Variants in MMS22L observed in about 807,000 individuals in gnomAD.
MMS22L encodes MMS22 like, DNA repair protein.
In MMS22L, 74 loss-of-function variants were observed where a neutral mutation model predicts 159.1. The observed-to-expected ratio is 0.47, with a 90% CI of 0.39 to 0.56. MMS22L has a LOEUF of 0.56. Among genes scored for constraint, MMS22L ranks in the 20% least tolerant of loss-of-function variants. MMS22L has a pLI of 0.00. For synonymous variants in MMS22L, 517 were observed against 506.9 expected (o/e 1.02, Z -0.27); for missense variants, 1,351 against 1,422.1 (o/e 0.95, Z 0.80).
rs561850065 is a variant in MMS22L, at chr6:97,167,632, A to G, written c.3009+439T>C. ...CCCTCCATTACATGGCTCCTCCCAT[A>G]TGACTCTCCAGCCACAACAGAACCA... is the stretch of plus-strand genomic sequence containing the variant. On this transcript the variant is annotated intron_variant, in intron 20 of 24. Transcript: ENST00000683635. Among the ~76,000 whole-genome samples the G allele has an allele frequency of 2.0e-5, 3 of 152,216 alleles. No homozygotes were observed. The East Asian group carries it at 5.8e-4, about 29-fold the overall frequency.
intron 14 of MMS22L, among the ~76,000 whole-genome samples, chr6:97,189,584 A>G (rs1805651997): frequency 7.6e-6 from 1 of 132,210 alleles, no homozygotes; most frequent in Non-Finnish European, 1.6e-5. Flanking sequence ...AAAAAAGAAT[A>G]ATTAATTAAA....
chr6:97,153,928 C>T (rs1801583611), intron 22 of MMS22L, among the ~76,000 whole-genome samples: 1 of 152,034 alleles, frequency 6.6e-6, no homozygotes, highest in Non-Finnish European at 1.5e-5. Context: ...AATTAATTTA[C>T]AAGTTTCTGT....
At position 97,263,495 on chromosome 6, in the gene MMS22L, T is replaced by C. The variant is rs770430661; in HGVS notation, c.829-47A>G. 4.3e-6 allele frequency: 4 copies of C among 930,052 alleles called. No individual in the cohort carries two copies. The East Asian group carries it at 1.1e-4, about 26-fold the overall frequency. 57.6% of individuals were successfully genotyped at this position (930,052 alleles called of 1,614,324 possible). ...TGTTATTTATAAGACAGCAGCAGAA[T>C]TTTAAATGCCATATATCTTTCAAAT... On this transcript the variant is annotated intron_variant, in intron 8 of 24. Coordinates refer to ENST00000683635, the MANE Select transcript of MMS22L (RefSeq NM_001350599.2).
chr6:97,256,828 T>A (rs1179853439), intron 9 of MMS22L, among the ~76,000 whole-genome samples: 1 of 152,146 alleles, frequency 6.6e-6, no homozygotes, highest in Non-Finnish European at 1.5e-5. Flanking sequence ...GTGCTTGTAC[T>A]CCCAGCTACT....
intron 2 of MMS22L, 75 bp downstream of exon 2, chr6:97,282,239 G>T: frequency 1.4e-6 from 2 of 1,469,514 alleles, no homozygotes; most frequent in East Asian, 4.6e-5. Flanking sequence ...AAAGTTTAAT[G>T]GGCTGAAATA....
chr6:97,181,273 A>G (rs1804677992), intron 16 of MMS22L, among the ~76,000 whole-genome samples: 1 of 152,090 alleles, frequency 6.6e-6, no homozygotes, highest in Non-Finnish European at 1.5e-5. Context: ...TATTTATTTT[A>G]TTTTCTCTCA....
chr6:97,214,886 T>C (rs1309067355), intron 14 of MMS22L, among the ~76,000 whole-genome samples: 1 of 150,854 alleles, frequency 6.6e-6, no homozygotes, highest in African/African-American at 2.4e-5. Flanking sequence ...CACAGTCCTG[T>C]TACTGATGAT....
intron 9 of MMS22L, chr6:97,261,212 T>C (rs768207756): frequency 7.9e-5 from 12 of 152,198 alleles, no homozygotes; most frequent in Non-Finnish European, 1.5e-4. Flanking sequence ...AGGTTTTCTG[T>C]TTTTAAAACT....
intron 11 of MMS22L, chr6:97,246,194 T>C: frequency 1.3e-5 from 6 of 450,718 alleles, no homozygotes; most frequent in Non-Finnish European, 2.7e-5. Context: ...AAACGAATGG[T>C]CAGAAACTAG....
intron 22 of MMS22L, among the ~76,000 whole-genome samples, chr6:97,152,883 G>A (rs937922337): frequency 6.7e-6 from 1 of 148,874 alleles, no homozygotes; most frequent in Non-Finnish European, 1.5e-5. Flanking sequence ...TGTCACCCAG[G>A]CTAGAGAAGT....
rs542954679 is a variant in MMS22L at position 97,247,901 on chromosome 6, C to T, written c.1120-1211G>A. 9.2e-5 allele frequency among the ~76,000 whole-genome samples: 14 copies of T among 152,136 alleles called. No homozygotes were observed. In the East Asian group the frequency reaches 2.5e-3, roughly 27 times the overall value. On this transcript the variant is annotated intron_variant, in intron 10 of 24. Coordinates refer to ENST00000683635, the MANE Select transcript of MMS22L (RefSeq NM_001350599.2). ...AATGAATTCTCATGATTTTAAATGG[C>T]TAGGCAATATTCATGTAAAATGCTA...
chr6:97,208,805 C>T (rs1290709037), intron 14 of MMS22L, among the ~76,000 whole-genome samples: 1 of 152,012 alleles, frequency 6.6e-6, no homozygotes, highest in Non-Finnish European at 1.5e-5. Context: ...ACACTCTGGC[C>T]CTAACTTCAA....
At position 97,229,415 on chromosome 6, in the gene MMS22L, T is replaced by TA. The variant is rs754062567; in HGVS notation, c.1530-13dup. The TA allele has an allele frequency of 2.9e-5, 43 of 1,481,656 alleles. No individual in the cohort carries two copies. The South Asian group carries it at 4.9e-4, about 17-fold the overall frequency. 91.8% of individuals were successfully genotyped at this position (1,481,656 alleles called of 1,614,324 possible). A position where few individuals can be genotyped will look rare whatever the true frequency, so the allele number is the denominator to read the frequency against. On this transcript the variant is annotated splice_polypyrimidine_tract_variant and intron_variant, in intron 13 of 24. Transcript: ENST00000683635. The stretch of plus-strand genomic sequence containing the variant: ...ATTTTGAATATATTCTGTAAAACAT[T>TA]AAAAAATGCTTTAATAAAATTGTTT...
Position 97,229,014 on chromosome 6 carries a change from C to A in MMS22L, c.1919G>T (p.Cys640Phe), listed in dbSNP as rs868117695. 3.7e-6 allele frequency: 6 copies of A among 1,614,080 alleles called. No homozygotes were observed. The South Asian group carries it at 4.4e-5, about 12-fold the overall frequency. Residue 640 changes from cysteine to phenylalanine, a missense_variant, in exon 14 of 25, where the codon TGC becomes TTC. Coordinates refer to ENST00000683635, the MANE Select transcript of MMS22L (RefSeq NM_001350599.2). ...CAGTTTTTCATGGGAAGGATACAAGCAATAGCTGGTCTCAAACACTTCTTG... is the reference window on the plus strand; with the variant it reads ...CAGTTTTTCATGGGAAGGATACAAGAAATAGCTGGTCTCAAACACTTCTTG... ...GVQEVFETSY[C>F]LYPSHEKLLN...
At chr6:97,200,829 C>T (rs1250625249) in intron 14 of MMS22L, among the ~76,000 whole-genome samples, 3 of 152,004 alleles carry the variant, frequency 2.0e-5, no homozygotes, top group African/African-American at 7.3e-5. Context: ...TGTTACCATC[C>T]TGTGAATTTT....
At chr6:97,221,152 T>G (rs905963988) in intron 14 of MMS22L, among the ~76,000 whole-genome samples, 1 of 152,188 alleles carries the variant, frequency 6.6e-6, no homozygotes, top group Non-Finnish European at 1.5e-5. Context: ...TATTCATTAT[T>G]GCATATAATT....
chr6:97,231,175 C>CA (rs1460270649), intron 13 of MMS22L: 6 of 393,408 alleles, frequency 1.5e-5, no homozygotes, highest in South Asian at 1.4e-4. Context: ...CAAAACAAAC[C>CA]AAAAAAACCA....
chr6:97,254,794 G>T, intron 9 of MMS22L, 61 bp from the exon 10 acceptor site: 3 of 1,363,540 alleles, frequency 2.2e-6, no homozygotes, highest in Non-Finnish European at 2.9e-6. Context: ...TGATTTCGTG[G>T]TTTTTCTCTA....
At chr6:97,198,370 C>T (rs1409491037) in intron 14 of MMS22L, among the ~76,000 whole-genome samples, 1 of 152,150 alleles carries the variant, frequency 6.6e-6, no homozygotes, top group Non-Finnish European at 1.5e-5. Context: ...TACTTCCAGA[C>T]ATTGAATCAT....
Sources: allele counts gnomAD v4.1 joint callset (sites outside exome capture counted in the v4.1 genomes callset), GRCh38; gene constraint gnomAD v4.1.1; transcripts MANE v1.5; gene names NCBI Gene and HGNC (gene_info 2026-07-23, HGNC 2026-07-21).